Variants in ADGRL2 observed in about 807,000 individuals in gnomAD.
The protein encoded by ADGRL2 is calcium-independent alpha-latrotoxin receptor 2.
ADGRL2 carries 44 observed loss-of-function variants against 157.4 expected under a neutral mutation model. The ratio of observed to expected loss-of-function variants is 0.28; its 90% CI spans 0.22 to 0.36. The LOEUF (loss-of-function observed/expected upper bound fraction) is 0.36, where lower values mean the gene tolerates loss of function less well. ADGRL2 is among the 10% of genes least tolerant of loss of function. ADGRL2 has a pLI of 1.00. For synonymous variants in ADGRL2, 585 were observed against 624.7 expected (o/e 0.94, Z 0.95); for missense variants, 1,510 against 1,768.9 (o/e 0.85, Z 2.63).
At chr1:81,683,662 T>A (rs1424016052) in intron 3 of ADGRL2, among the ~76,000 whole-genome samples, 1 of 152,058 alleles carries the variant, frequency 6.6e-6, no homozygotes, top group African/African-American at 2.4e-5. Flanking sequence ...ATTATGTGTG[T>A]GTGTGTGTGT....
intron 3 of ADGRL2, among the ~76,000 whole-genome samples, chr1:81,916,989 A>G (rs1037347998): frequency 6.6e-6 from 1 of 151,708 alleles, no homozygotes; most frequent in African/African-American, 2.4e-5. Flanking sequence ...AAAAATACAT[A>G]TATATGTCTT....
intron 3 of ADGRL2, among the ~76,000 whole-genome samples, chr1:81,653,969 C>T (rs2082477418): frequency 6.6e-6 from 1 of 152,018 alleles, no homozygotes; most frequent in Non-Finnish European, 1.5e-5. Flanking sequence ...GACAGAGTCT[C>T]ATTCTGTTGC....
chr1:81,586,284 A>G (rs1294591194), intron 3 of ADGRL2: 1 of 152,006 alleles, frequency 6.6e-6, no homozygotes, highest in Non-Finnish European at 1.5e-5. Context: ...GAAGGGGATA[A>G]TCGGGCCAAT....
intron 1 of ADGRL2, among the ~76,000 whole-genome samples, chr1:81,317,127 G>T (rs1660161348): frequency 6.6e-6 from 1 of 151,966 alleles, no homozygotes; most frequent in Non-Finnish European, 1.5e-5. Context: ...TGGTACTATG[G>T]GCATCTAGTG....
intron 1 of ADGRL2, among the ~76,000 whole-genome samples, chr1:81,826,587 G>A (rs2091501059): frequency 6.6e-6 from 1 of 152,198 alleles, no homozygotes; most frequent in Non-Finnish European, 1.5e-5. Context: ...AAAGAAGTAT[G>A]TGTGTATGGT....
chr1:81,988,213 G>A (rs1663749800), intron 23 of ADGRL2, among the ~76,000 whole-genome samples: 1 of 152,098 alleles, frequency 6.6e-6, no homozygotes, highest in Non-Finnish European at 1.5e-5. Context: ...TCTTGCTACA[G>A]GCTGTGGAAA....
At chr1:81,817,314 A>T (rs1276639382) in intron 1 of ADGRL2, among the ~76,000 whole-genome samples, 1 of 151,918 alleles carries the variant, frequency 6.6e-6, no homozygotes, top group Non-Finnish European at 1.5e-5. Context: ...AGATTGAAAA[A>T]TATAAAAATT....
At chr1:81,855,166 C>G (rs2093159088) in intron 2 of ADGRL2, among the ~76,000 whole-genome samples, 1 of 152,104 alleles carries the variant, frequency 6.6e-6, no homozygotes, top group Non-Finnish European at 1.5e-5. Flanking sequence ...AAGCCAGGCA[C>G]AGTGGCTCGT....
At chr1:81,845,463 A>C (rs1041088526) in intron 2 of ADGRL2, among the ~76,000 whole-genome samples, 1 of 152,168 alleles carries the variant, frequency 6.6e-6, no homozygotes, top group South Asian at 2.1e-4. Context: ...ATATAAATCC[A>C]TGCACTTTAC....
chr1:81,562,175 G>A (rs2080458390), intron 2 of ADGRL2, among the ~76,000 whole-genome samples: 1 of 152,174 alleles, frequency 6.6e-6, no homozygotes, highest in South Asian at 2.1e-4. Flanking sequence ...GATTATATGA[G>A]TAGGGAGGGG....
chr1:81,468,163 T>C (rs1277196993), intron 2 of ADGRL2, among the ~76,000 whole-genome samples: 1 of 152,160 alleles, frequency 6.6e-6, no homozygotes, highest in African/African-American at 2.4e-5. Flanking sequence ...CCATTATATC[T>C]AGGGAAGATA....
intron 23 of ADGRL2, 109 bp from the exon 24 acceptor site, chr1:81,990,282 C>T: frequency 2.0e-6 from 3 of 1,507,388 alleles, no homozygotes. Context: ...TGTTAGCTTT[C>T]AAATACAACT....
rs548369871 is a variant in ADGRL2 at position 81,836,052 on chromosome 1, T to C, written c.-100-833T>C. 5.9e-4 allele frequency among the ~76,000 whole-genome samples: 90 copies of C among 152,132 alleles called. 3 individuals are homozygous for C. The South Asian group carries it at 0.018, about 30-fold the overall frequency. On this transcript the variant is annotated intron_variant, in intron 1 of 23. Coordinates refer to ENST00000686636, the MANE Select transcript of ADGRL2 (RefSeq NM_001366006.2). Reference sequence around the variant, plus strand: ...AGATAATGTGCAAGAACTCAAAAGTTATCAGGAAAATTTTGTTTTCTAAAT... The same window carrying C: ...AGATAATGTGCAAGAACTCAAAAGTCATCAGGAAAATTTTGTTTTCTAAAT...
intron 22 of ADGRL2, 165 bp downstream of exon 22, chr1:81,987,194 C>A: frequency 7.7e-7 from 1 of 1,299,072 alleles, no homozygotes; most frequent in Non-Finnish European, 1.1e-6. Flanking sequence ...TCTAAAACTG[C>A]ACTATATTAT....
At chr1:81,705,587 A>G (rs144378015) in intron 1 of ADGRL2, among the ~76,000 whole-genome samples, 1 of 152,026 alleles carries the variant, frequency 6.6e-6, no homozygotes, top group Non-Finnish European at 1.5e-5. Flanking sequence ...TAGCCAGGTC[A>G]GCCTGTGAAA....
intron 2 of ADGRL2, among the ~76,000 whole-genome samples, chr1:81,492,626 C>T (rs1194904977): frequency 6.6e-6 from 1 of 152,110 alleles, no homozygotes; most frequent in Non-Finnish European, 1.5e-5. Context: ...TAAACTTAAA[C>T]TAAGAATGCT....
chr1:81,974,200 A>G (rs1659541296), intron 17 of ADGRL2, among the ~76,000 whole-genome samples: 1 of 152,210 alleles, frequency 6.6e-6, no homozygotes, highest in Non-Finnish European at 1.5e-5. Flanking sequence ...TAAGGAAGAT[A>G]AAACTTCCTA....
chr1:81,407,237 G>C (rs2076869059), intron 1 of ADGRL2, among the ~76,000 whole-genome samples: 1 of 152,186 alleles, frequency 6.6e-6, no homozygotes, highest in South Asian at 2.1e-4. Flanking sequence ...CAAGGATCTG[G>C]TTTGACTTTC....
chr1:81,674,013 A>T (rs2148927134), intron 3 of ADGRL2, among the ~76,000 whole-genome samples: 1 of 152,334 alleles, frequency 6.6e-6, no homozygotes, highest in Non-Finnish European at 1.5e-5. Flanking sequence ...TAATTTTTAT[A>T]AATTATCTGA....
Sources: allele counts gnomAD v4.1 joint callset (sites outside exome capture counted in the v4.1 genomes callset), GRCh38; gene constraint gnomAD v4.1.1; transcripts MANE v1.5; gene names NCBI Gene and HGNC (gene_info 2026-07-23, HGNC 2026-07-21).